Variants in PLD1 observed in about 807,000 individuals in gnomAD.
PLD1 encodes choline phosphatase 1.
PLD1 carries 112 observed loss-of-function variants against 137.1 expected under a neutral mutation model. That is an observed-to-expected ratio of 0.82 (90% CI 0.70 to 0.96). The LOEUF (loss-of-function observed/expected upper bound fraction) is 0.96. Among genes scored for constraint, PLD1 ranks in the 40% least tolerant of loss-of-function variants. PLD1 has a pLI of 0.00. For missense variants in PLD1, 1,321 were observed against 1,342.0 expected (o/e 0.98, Z 0.24); for synonymous variants, 431 against 454.7 (o/e 0.95, Z 0.66).
At chr3:171,722,233 G>T (rs962036390) in intron 8 of PLD1, among the ~76,000 whole-genome samples, 1 of 152,138 alleles carries the variant, frequency 6.6e-6, no homozygotes, top group South Asian at 2.1e-4. Flanking sequence ...TTGGTAAGAC[G>T]TAAGATATAA....
intron 1 of PLD1, among the ~76,000 whole-genome samples, chr3:171,783,034 T>C (rs956551746): frequency 1.3e-5 from 2 of 152,020 alleles, no homozygotes; most frequent in African/African-American, 2.4e-5. Context: ...CAAGAGAATA[T>C]GGGAGCTGGG....
At chr3:171,758,318 TAATC>T (rs1256626460) in intron 1 of PLD1, among the ~76,000 whole-genome samples, 2 of 152,198 alleles carry the variant, frequency 1.3e-5, no homozygotes, top group African/African-American at 4.8e-5. Flanking sequence ...CCCAATTTCT[TAATC>T]AATGTGCACT....
At chr3:171,704,457 G>GAAAAAAAAAAA (rs1362665761) in intron 11 of PLD1, among the ~76,000 whole-genome samples, 46 of 98,168 alleles carry the variant, frequency 4.7e-4, no homozygotes, top group African/African-American at 2.1e-3. Flanking sequence ...CAAAGAACCA[G>GAAAAAAAAAAA]GAAAAAAAAA....
In PLD1 at chr3:171,649,091, A is replaced by G. The variant is rs865946311; in HGVS notation, c.2430-4068T>C. ...ACAAATGTTTGTGATGATGTTTGTA[A>G]GAGACAGTTCTATTTTATCTTTTTT... On this transcript the variant is annotated intron_variant, in intron 21 of 26. Transcript: ENST00000351298. Among the ~76,000 whole-genome samples, 29 of 152,338 alleles carry G rather than the reference A, an allele frequency of 1.9e-4. No individual in the cohort carries two copies. In the Middle Eastern group the frequency reaches 0.01, roughly 54 times the overall value.
At chr3:171,613,544 T>C (rs1732856985) in intron 24 of PLD1, among the ~76,000 whole-genome samples, 2 of 152,206 alleles carry the variant, frequency 1.3e-5, no homozygotes. Flanking sequence ...CAAATACAGA[T>C]TGTCATTTGT....
At chr3:171,804,344 A>G (rs1237261352) in intron 1 of PLD1, among the ~76,000 whole-genome samples, 1 of 152,244 alleles carries the variant, frequency 6.6e-6, no homozygotes, top group African/African-American at 2.4e-5. Flanking sequence ...ATTTTTAAGA[A>G]TAGTTAAATG....
chr3:171,743,518 A>T (rs536100249), intron 1 of PLD1, among the ~76,000 whole-genome samples: 48 of 152,152 alleles, frequency 3.2e-4, no homozygotes, highest in Non-Finnish European at 5.6e-4. Flanking sequence ...GCCTCATCCA[A>T]CCTGCTCTCC....
chr3:171,781,319 T>C (rs1472034223), intron 1 of PLD1, among the ~76,000 whole-genome samples: 1 of 151,674 alleles, frequency 6.6e-6, no homozygotes, highest in Non-Finnish European at 1.5e-5. Flanking sequence ...ACTCAAAAAT[T>C]GAGATGGATC....
intron 21 of PLD1, among the ~76,000 whole-genome samples, chr3:171,657,260 G>C (rs1008307677): frequency 2.0e-5 from 3 of 152,166 alleles, no homozygotes; most frequent in Non-Finnish European, 4.4e-5. Flanking sequence ...TATAAACTGT[G>C]AATCACATAA....
chr3:171,695,598 C>A (rs1197734578), intron 12 of PLD1, among the ~76,000 whole-genome samples: 1 of 152,128 alleles, frequency 6.6e-6, no homozygotes, highest in Non-Finnish European at 1.5e-5. Flanking sequence ...CATGGGAAGA[C>A]AATGAAAAGA....
At chr3:171,665,693 T>G (rs1712052028) in intron 19 of PLD1, among the ~76,000 whole-genome samples, 1 of 148,532 alleles carries the variant, frequency 6.7e-6, no homozygotes, top group African/African-American at 2.5e-5. Flanking sequence ...ATAGTGAAAC[T>G]GCGTCTCAAA....
chr3:171,733,880 C>G (rs904094300), intron 5 of PLD1, among the ~76,000 whole-genome samples: 6 of 151,868 alleles, frequency 4.0e-5, no homozygotes, highest in Admixed American at 6.6e-5. Context: ...ACTGAACTTA[C>G]TGAAAGATAC....
intron 6 of PLD1, among the ~76,000 whole-genome samples, chr3:171,729,229 C>A (rs1718754548): frequency 6.6e-6 from 1 of 151,936 alleles, no homozygotes; most frequent in African/African-American, 2.4e-5. Flanking sequence ...GTTTTTTTGG[C>A]AAAGGAATTT....
chr3:171,643,934 A>G (rs1735983696), intron 22 of PLD1, among the ~76,000 whole-genome samples: 1 of 152,014 alleles, frequency 6.6e-6, no homozygotes, highest in African/African-American at 2.4e-5. Flanking sequence ...CATCAGTAAG[A>G]AAAAAGAGGA....
intron 19 of PLD1, among the ~76,000 whole-genome samples, chr3:171,665,353 C>T (rs1403256297): frequency 1.3e-5 from 2 of 152,154 alleles, no homozygotes; most frequent in Non-Finnish European, 2.9e-5. Context: ...GTAAATGTTT[C>T]TCTATCTGTA....
chr3:171,697,501 A>T (rs1431868227), intron 12 of PLD1, among the ~76,000 whole-genome samples: 1 of 151,892 alleles, frequency 6.6e-6, no homozygotes, highest in Non-Finnish European at 1.5e-5. Context: ...CCCGCACAGT[A>T]CTGCCCCACT....
At chr3:171,723,438 G>A (rs1718283520) in intron 8 of PLD1, among the ~76,000 whole-genome samples, 1 of 152,178 alleles carries the variant, frequency 6.6e-6, no homozygotes, top group Admixed American at 6.5e-5. Flanking sequence ...ACAGATGGAA[G>A]TGCAGATATA....
At chr3:171,742,600 G>A (rs1464691991) in intron 1 of PLD1, among the ~76,000 whole-genome samples, 1 of 152,054 alleles carries the variant, frequency 6.6e-6, no homozygotes, top group Non-Finnish European at 1.5e-5. Context: ...ATTATGATTA[G>A]ATAGTTTAAA....
Position 171,725,998 on chromosome 3 carries a change from T to C in PLD1, c.665+20A>G, listed in dbSNP as rs371372666. ...AAATCAATTTTTCATACTTCTCTTT[T>C]AAGGTTTATTGCAACTTACATGCCC... On this transcript the variant is annotated intron_variant, in intron 7 of 26. Transcript: ENST00000351298. 1.9e-6 allele frequency: 3 copies of C among 1,555,020 alleles called. No homozygotes were observed. The highest frequency in any genetic ancestry group is 8.9e-7 in the Non-Finnish European group (1 of 1,125,980).
Sources: allele counts gnomAD v4.1 joint callset (sites outside exome capture counted in the v4.1 genomes callset), GRCh38; gene constraint gnomAD v4.1.1; transcripts MANE v1.5; gene names NCBI Gene and HGNC (gene_info 2026-07-23, HGNC 2026-07-21).